The following KCNH1 variants were observed in gnomAD, a reference collection of about 807,000 sequenced individuals.
KCNH1 encodes the protein voltage-gated delayed rectifier potassium channel KCNH1.
Under a neutral mutation model 69.2 loss-of-function variants are expected in KCNH1, and 27 were observed. The ratio of observed to expected loss-of-function variants is 0.39; its 90% confidence interval spans 0.29 to 0.54. The LOEUF is 0.54. KCNH1 is among the 20% of genes least tolerant of loss of function. KCNH1 has a pLI of 0.68. For missense variants in KCNH1, 798 were observed against 1,261.6 expected (o/e 0.63, Z 5.57); for synonymous variants, 456 against 487.7 (o/e 0.93, Z 0.86).
At chr1:210,740,704 A>ATTTTTTTTTTTTTTTTTTTTTTTTT (rs199727493) in intron 10 of KCNH1, among the ~76,000 whole-genome samples, 3 of 117,262 alleles carry the variant, frequency 2.6e-5, no homozygotes, top group African/African-American at 1.0e-4. Context: ...TTATGATTAA[A>ATTTTTTTTTTTTTTTTTTTTTTTTT]TTTTTTTTTT....
intron 7 of KCNH1, among the ~76,000 whole-genome samples, chr1:210,909,848 C>T (rs1687191472): frequency 6.6e-6 from 1 of 152,194 alleles, no homozygotes; most frequent in Admixed American, 6.5e-5. Flanking sequence ...AACAAGCTGA[C>T]CACTATCATG....
chr1:210,861,518 T>G (rs112014129), intron 7 of KCNH1: 1 of 773,426 alleles, frequency 1.3e-6, no homozygotes, highest in Non-Finnish European at 2.4e-6. Context: ...TTATGATAAC[T>G]CAGGTCGGTC....
rs1454226578 is a variant in KCNH1, at chr1:210,679,237, A to G, written c.*4044T>C. The G allele has an allele frequency of 6.6e-6, 1 of 152,244 alleles. No homozygotes were observed. Among genetic ancestry groups the G allele is most frequent in the African/African-American group, 2.4e-5 (1 of 41,476 alleles). 9.4% of individuals were successfully genotyped at this position (152,244 alleles called of 1,614,324 possible). A position where few individuals can be genotyped will look rare whatever the true frequency, so the allele number is the denominator to read the frequency against. On this transcript the variant is annotated 3_prime_UTR_variant, in exon 11 of 11. Coordinates refer to ENST00000271751, the MANE Select transcript of KCNH1 (RefSeq NM_172362.3). ...TATAGAGCAATAACAATGATTTAGCAACAGAGGGAGGCTGTCTGGGGCATC... is the reference window on the plus strand; with the variant it reads ...TATAGAGCAATAACAATGATTTAGCGACAGAGGGAGGCTGTCTGGGGCATC...
At chr1:210,996,885 G>T (rs572949112) in intron 6 of KCNH1, among the ~76,000 whole-genome samples, 1 of 152,186 alleles carries the variant, frequency 6.6e-6, no homozygotes, top group African/African-American at 2.4e-5. Flanking sequence ...TGCAGCCACC[G>T]CTGCTGATAC....
At chr1:211,108,855 T>C (rs1016922753) in intron 1 of KCNH1, among the ~76,000 whole-genome samples, 3 of 152,202 alleles carry the variant, frequency 2.0e-5, no homozygotes, top group African/African-American at 7.2e-5. Flanking sequence ...TATACATAAA[T>C]TGTTCTTGAG....
intron 6 of KCNH1, among the ~76,000 whole-genome samples, chr1:210,973,672 A>C (rs1688552534): frequency 6.6e-6 from 1 of 152,174 alleles, no homozygotes; most frequent in Admixed American, 6.6e-5. Context: ...CAGTTTAACT[A>C]TAGCAAACTT....
intron 9 of KCNH1, among the ~76,000 whole-genome samples, chr1:210,778,693 T>G (rs1458424223): frequency 6.6e-6 from 1 of 152,160 alleles, no homozygotes; most frequent in Non-Finnish European, 1.5e-5. Flanking sequence ...CCTCTGGAAG[T>G]GTCTTGAGTA....
chr1:210,757,269 T>C (rs1683418956), intron 10 of KCNH1, among the ~76,000 whole-genome samples: 1 of 152,164 alleles, frequency 6.6e-6, no homozygotes, highest in African/African-American at 2.4e-5. Context: ...ACCATAGGAC[T>C]TGACGAATGA....
At chr1:211,075,938 C>T (rs183256439) in intron 5 of KCNH1, among the ~76,000 whole-genome samples, 1 of 152,230 alleles carries the variant, frequency 6.6e-6, no homozygotes, top group Admixed American at 6.5e-5. Context: ...TATCCCGCAC[C>T]TGGCTCAGCC....
At chr1:210,859,711 C>A in intron 7 of KCNH1, 1 of 1,213,214 alleles carries the variant, frequency 8.2e-7, no homozygotes, top group Non-Finnish European at 1.2e-6. Context: ...CAAAATCTGT[C>A]CAGAAACCTG....
chr1:211,026,543 G>A lies in KCNH1; in HGVS notation c.559-7287C>T, dbSNP rs567409102. ...TGTGCCCCCACCCCGCCTCAGCTAC[G>A]CCAGCAGGGCCTACTAGGAAGCCTA... On this transcript the variant is annotated intron_variant, in intron 5 of 10. Coordinates refer to ENST00000271751, the MANE Select transcript of KCNH1 (RefSeq NM_172362.3). Among the ~76,000 whole-genome samples, 3 of 152,114 alleles carry A rather than the reference G, an allele frequency of 2.0e-5. No homozygotes were observed. In the South Asian group the frequency reaches 6.2e-4, roughly 31 times the overall value.
Position 211,014,565 on chromosome 1 carries a change from A to G in KCNH1, c.1032+4218T>C, listed in dbSNP as rs896954480. On this transcript the variant is annotated intron_variant, in intron 6 of 10. Transcript: ENST00000271751. ...TCATAATTGCAGGCTTTAACAATTT[A>G]CCCCAGTTCTTTTTTGACCCAGACT... Among the ~76,000 whole-genome samples, 3 of 152,116 alleles carry G rather than the reference A, an allele frequency of 2.0e-5. No homozygotes were observed. In the South Asian group the frequency reaches 6.2e-4, roughly 32 times the overall value.
chr1:210,738,945 C>A (rs1409708523), intron 10 of KCNH1, among the ~76,000 whole-genome samples: 1 of 152,142 alleles, frequency 6.6e-6, no homozygotes, highest in Non-Finnish European at 1.5e-5. Context: ...CCAATAAATT[C>A]TCCTTTTTCT....
At chr1:211,010,067 C>T (rs544145656) in intron 6 of KCNH1, among the ~76,000 whole-genome samples, 1 of 152,154 alleles carries the variant, frequency 6.6e-6, no homozygotes, top group Non-Finnish European at 1.5e-5. Flanking sequence ...GGGAATTCCA[C>T]GTGAGCTGAA....
intron 6 of KCNH1, among the ~76,000 whole-genome samples, chr1:210,933,404 T>C (rs923477262): frequency 1.3e-5 from 2 of 151,938 alleles, no homozygotes; most frequent in Non-Finnish European, 2.9e-5. Context: ...CGGAGATATA[T>C]CTAATGCTAA....
At chr1:210,922,937 C>T (rs1430713725) in intron 6 of KCNH1, among the ~76,000 whole-genome samples, 1 of 152,238 alleles carries the variant, frequency 6.6e-6, no homozygotes, top group Non-Finnish European at 1.5e-5. Flanking sequence ...AACAGTTCTA[C>T]TCTGAAGCAG....
At chr1:210,833,988 G>A (rs985938880) in intron 7 of KCNH1, among the ~76,000 whole-genome samples, 1 of 152,152 alleles carries the variant, frequency 6.6e-6, no homozygotes, top group Non-Finnish European at 1.5e-5. Context: ...CAATGAGATA[G>A]CATCTCACAC....
At chr1:210,910,483 G>C (rs1433847994) in intron 7 of KCNH1, among the ~76,000 whole-genome samples, 1 of 152,198 alleles carries the variant, frequency 6.6e-6, no homozygotes, top group African/African-American at 2.4e-5. Flanking sequence ...CCACTATTTG[G>C]CAACAAGGGG....
At chr1:210,860,817 G>T in intron 7 of KCNH1, 1 of 891,852 alleles carries the variant, frequency 1.1e-6, no homozygotes, top group South Asian at 1.3e-5. Context: ...GATCACTTTT[G>T]AACTTTACTT....
Sources: gnomAD v4.1 joint callset for allele counts (sites outside exome capture counted in the v4.1 genomes callset) on GRCh38, gnomAD v4.1.1 for gene constraint, MANE v1.5 for transcripts, NCBI Gene and HGNC (gene_info 2026-07-23, HGNC 2026-07-21) for gene names.